The following PCDHA9 variants were observed in gnomAD, a reference collection of about 807,000 sequenced individuals.
PCDHA9 encodes protocadherin alpha-9.
In PCDHA9, 62 loss-of-function variants were observed where a neutral mutation model predicts 62.0. The ratio of observed to expected loss-of-function variants is 1.00; its 90% CI spans 0.81 to 1.23. The LOEUF (loss-of-function observed/expected upper bound fraction) is 1.23. PCDHA9 is among the 50% of genes most tolerant of loss of function. The pLI is 0.00. For missense variants in PCDHA9, 1,205 were observed against 1,249.8 expected, an observed-to-expected ratio of 0.96 and a Z score of 0.54; for synonymous variants, 557 against 567.6, an observed-to-expected ratio of 0.98 and a Z score of 0.27.
intron 1 of PCDHA9, chr5:140,967,425 C>A (rs1218574888): frequency 1.2e-6 from 2 of 1,613,178 alleles, no homozygotes; most frequent in Non-Finnish European, 1.7e-6. Context: ...CGGGAGCAGG[C>A]AGCCTTGCAC....
chr5:141,011,429 A>G lies in PCDHA9; in HGVS notation c.*1492A>G, dbSNP rs1554263477. ...TGTGTATGTGAATGTTAATGCAACT[A>G]TTACCTAGAGTGAACTTTAAGCTTT... On this transcript the variant is annotated 3_prime_UTR_variant, in exon 4 of 4. Coordinates refer to ENST00000532602, the MANE Select transcript of PCDHA9 (RefSeq NM_031857.2). 1.3e-5 allele frequency: 2 copies of G among 153,758 alleles called. No homozygotes were observed. Among genetic ancestry groups the G allele is most frequent in the Non-Finnish European group, 2.9e-5 (2 of 68,036 alleles). 9.5% of individuals were successfully genotyped at this position (153,758 alleles called of 1,614,324 possible).
intron 1 of PCDHA9, among the ~76,000 whole-genome samples, chr5:140,973,765 G>A (rs1326498499): frequency 6.6e-6 from 1 of 152,230 alleles, no homozygotes; most frequent in African/African-American, 2.4e-5. Context: ...GACACAGCCT[G>A]GCATATTATA....
At chr5:140,854,178 A>AAATT in intron 1 of PCDHA9, 2 of 531,176 alleles carry the variant, frequency 3.8e-6, no homozygotes, top group Non-Finnish European at 4.8e-6. Flanking sequence ...AAAAAAAAAG[A>AAATT]GTAGTTTAAC....
Position 140,875,145 on chromosome 5 carries a change from T to A in PCDHA9, c.2394+24256T>A, listed in dbSNP as rs191347942. On this transcript the variant is annotated intron_variant, in intron 1 of 3. Coordinates refer to ENST00000532602, the MANE Select transcript of PCDHA9 (RefSeq NM_031857.2). ...TAACTAAACCCGCATTTATAAATGA[T>A]CCGTGAAAAATAACCCAAAGTCGAA... Among the ~76,000 whole-genome samples the A allele has an allele frequency of 3.1e-3, 468 of 152,306 alleles. 3 individuals are homozygous for A. The highest frequency in any genetic ancestry group is 0.014 in the Middle Eastern group (4 of 294).
At position 140,978,454 on chromosome 5, in the gene PCDHA9, C is replaced by T. The variant is rs980177257; in HGVS notation, c.2395-495C>T. Among the ~76,000 whole-genome samples, 5 of 152,314 alleles carry T rather than the reference C, an allele frequency of 3.3e-5. No individual in the cohort carries two copies. The South Asian group carries it at 8.3e-4, about 25-fold the overall frequency. ...TGCTGGTGTTATGACTGGGCACATC[C>T]GCCCTGGGTCAAATATGCTGCAGTC... On this transcript the variant is annotated intron_variant, in intron 1 of 3. Coordinates refer to ENST00000532602, the MANE Select transcript of PCDHA9 (RefSeq NM_031857.2).
chr5:140,958,066 C>T (rs782243559), intron 1 of PCDHA9, among the ~76,000 whole-genome samples: 2 of 151,900 alleles, frequency 1.3e-5, no homozygotes, highest in African/African-American at 4.8e-5. Context: ...AGAAAAAACA[C>T]AGAAGCAAAA....
In PCDHA9 at chr5:141,010,151, C is replaced by T. The variant is rs1554262715; in HGVS notation, c.*214C>T. 1 of 1,578,076 alleles carries T rather than the reference C, an allele frequency of 6.3e-7. No homozygotes were observed. Among genetic ancestry groups the T allele is most frequent in the South Asian group, 1.1e-5 (1 of 87,432 alleles). On this transcript the variant is annotated 3_prime_UTR_variant, in exon 4 of 4. Transcript: ENST00000532602. The stretch of plus-strand genomic sequence containing the variant: ...CTGGTGTTAACTCTTTCTCTCCACT[C>T]TGGCTTGTTTTCAGAACCTAAAAAG...
intron 2 of PCDHA9, among the ~76,000 whole-genome samples, chr5:140,981,687 A>ATCATTCATTCAT (rs200213847): frequency 1.1e-4 from 17 of 151,972 alleles, no homozygotes; most frequent in African/African-American, 4.1e-4. Context: ...CCTCCCTTCC[A>ATCATTCATTCAT]TCATTCATTC....
At chr5:140,884,400 T>C (rs2060147472) in intron 1 of PCDHA9, 1 of 1,613,972 alleles carries the variant, frequency 6.2e-7, no homozygotes, top group Non-Finnish European at 8.5e-7. Context: ...TCCAGCCTGT[T>C]GGTGCTCACG....
At chr5:140,916,417 A>G (rs2077566178) in intron 1 of PCDHA9, among the ~76,000 whole-genome samples, 1 of 152,246 alleles carries the variant, frequency 6.6e-6, no homozygotes. Flanking sequence ...AAGTCAGCAC[A>G]TCTCAGAACC....
At chr5:140,952,257 C>T (rs1224282193) in intron 1 of PCDHA9, among the ~76,000 whole-genome samples, 1 of 151,342 alleles carries the variant, frequency 6.6e-6, no homozygotes, top group Non-Finnish European at 1.5e-5. Flanking sequence ...GGTGGATTCC[C>T]ATTCTGGGGT....
intron 1 of PCDHA9, among the ~76,000 whole-genome samples, chr5:140,963,188 G>A (rs1333064851): frequency 6.6e-6 from 1 of 151,712 alleles, no homozygotes; most frequent in African/African-American, 2.4e-5. Context: ...GCTGTAGACT[G>A]TGAAAATGAA....
chr5:140,849,516 G>A lies in PCDHA9; in HGVS notation c.1021G>A (p.Val341Met). The A allele has an allele frequency of 1.3e-6, 2 of 1,597,278 alleles. No homozygotes were observed. The highest frequency in any genetic ancestry group is 2.2e-5 in the East Asian group (1 of 44,848). Residue 341 changes from valine to methionine, a missense_variant, in exon 1 of 4, where the codon GTG becomes ATG. This residue lies in a region of PCDHA9 where 110 missense variants were observed against 227.2 expected (regional missense o/e 0.48). Transcript: ENST00000532602. ...AGHCTLLVEVVDVNDNAPQLT... is the reference protein window; with the variant it reads ...AGHCTLLVEVMDVNDNAPQLT... Reference sequence around the variant, plus strand: ...TCATTGTACACTTCTTGTGGAAGTTGTGGATGTAAATGACAATGCTCCACA... The same window carrying A: ...TCATTGTACACTTCTTGTGGAAGTTATGGATGTAAATGACAATGCTCCACA...
intron 1 of PCDHA9, among the ~76,000 whole-genome samples, chr5:140,923,204 C>T (rs1175108066): frequency 1.3e-5 from 2 of 151,950 alleles, no homozygotes; most frequent in Non-Finnish European, 2.9e-5. Flanking sequence ...ATTTGGGAGG[C>T]TAAGGTGAAA....
At chr5:141,003,181 C>T (rs564008062) in intron 3 of PCDHA9, among the ~76,000 whole-genome samples, 8 of 152,328 alleles carry the variant, frequency 5.3e-5, no homozygotes, top group African/African-American at 1.7e-4. Flanking sequence ...AGGCTCAACT[C>T]CATCAACTCA....
chr5:140,928,736 T>C, intron 1 of PCDHA9: 1 of 1,614,174 alleles, frequency 6.2e-7, no homozygotes, highest in Non-Finnish European at 8.5e-7. Flanking sequence ...TCAGCCAATA[T>C]AGGTGAGCTC....
chr5:140,986,826 A>G (rs902801115), intron 3 of PCDHA9, among the ~76,000 whole-genome samples: 1 of 152,178 alleles, frequency 6.6e-6, no homozygotes, highest in Non-Finnish European at 1.5e-5. Flanking sequence ...GGTTTAGACA[A>G]TGGTTCTCAA....
chr5:140,852,117 T>A, intron 1 of PCDHA9: 1 of 906,144 alleles, frequency 1.1e-6, no homozygotes, highest in Non-Finnish European at 1.3e-6. Context: ...AGGTATGACC[T>A]AATTAAAAAC....
chr5:140,967,747 A>C, intron 1 of PCDHA9: 1 of 1,614,160 alleles, frequency 6.2e-7, no homozygotes, highest in Non-Finnish European at 8.5e-7. Context: ...ATTATGAGGA[A>C]GCCTCCTCCT....
Sources: gnomAD v4.1 joint callset for allele counts (sites outside exome capture counted in the v4.1 genomes callset) on GRCh38, gnomAD v4.1.1 for gene constraint, gnomAD v4.1.1 regional missense constraint, MANE v1.5 for transcripts, NCBI Gene and HGNC (gene_info 2026-07-23, HGNC 2026-07-21) for gene names.